KIAA1328: variants seen among roughly 807,000 people sequenced by gnomAD.
KIAA1328 encodes KIAA1328, also known as protein hinderin.
A neutral mutation model predicts 68.1 loss-of-function variants in KIAA1328; 52 were observed. That is an observed-to-expected ratio of 0.76 (90% CI 0.61 to 0.96). The LOEUF (loss-of-function observed/expected upper bound fraction) is 0.96. Ranked by LOEUF, KIAA1328 falls within the 40% of genes least tolerant of loss-of-function variation. KIAA1328 has a pLI of 0.00. For missense variants in KIAA1328, 641 were observed against 677.6 expected, an observed-to-expected ratio of 0.95 and a Z score of 0.60; for synonymous variants, 232 against 239.4, an observed-to-expected ratio of 0.97 and a Z score of 0.28.
chr18:36,927,941 C>T (rs2050179989), intron 5 of KIAA1328, among the ~76,000 whole-genome samples: 1 of 151,884 alleles, frequency 6.6e-6, no homozygotes, highest in South Asian at 2.1e-4. Context: ...GATGGGAGTG[C>T]CCTCGTAAGA....
chr18:36,965,934 A>T (rs1461626630), intron 6 of KIAA1328, among the ~76,000 whole-genome samples: 1 of 152,018 alleles, frequency 6.6e-6, no homozygotes, highest in African/African-American at 2.4e-5. Flanking sequence ...AAACCAAAAA[A>T]CTAAAGAAGG....
At chr18:36,912,792 G>A (rs1163740952) in intron 5 of KIAA1328, among the ~76,000 whole-genome samples, 1 of 152,180 alleles carries the variant, frequency 6.6e-6, no homozygotes, top group Non-Finnish European at 1.5e-5. Flanking sequence ...ATGGGTGAGA[G>A]TCTGAGAATG....
intron 6 of KIAA1328, among the ~76,000 whole-genome samples, chr18:37,008,513 C>G (rs1432483823): frequency 4.0e-5 from 6 of 151,740 alleles, no homozygotes; most frequent in Admixed American, 3.9e-4. Flanking sequence ...GTGCTACCTA[C>G]AAAAAAAACC....
At chr18:37,177,826 T>C (rs909119166) in intron 9 of KIAA1328, among the ~76,000 whole-genome samples, 1 of 152,062 alleles carries the variant, frequency 6.6e-6, no homozygotes, top group Non-Finnish European at 1.5e-5. Flanking sequence ...TAAAAAATAG[T>C]TTATTTTTAT....
Position 36,933,278 on chromosome 18 carries a change from C to A in KIAA1328, c.449-26030C>A, listed in dbSNP as rs115793874. ...TGGCTTTTGTATTTCCATGTGTTTGCAGCCCTGCTCTGTGGTGGTGGTGGT... is the reference window on the plus strand; with the variant it reads ...TGGCTTTTGTATTTCCATGTGTTTGAAGCCCTGCTCTGTGGTGGTGGTGGT... On this transcript the variant is annotated intron_variant, in intron 5 of 9. Transcript: ENST00000280020. Among the ~76,000 whole-genome samples the A allele has an allele frequency of 6.7e-3, 1,018 of 152,184 alleles. 15 individuals carry two copies. The highest frequency in any genetic ancestry group is 0.023 in the African/African-American group (943 of 41,526).
chr18:36,869,765 G>C (rs931283107), intron 4 of KIAA1328, among the ~76,000 whole-genome samples: 1 of 152,174 alleles, frequency 6.6e-6, no homozygotes, highest in Non-Finnish European at 1.5e-5. Flanking sequence ...TATATATATG[G>C]CAATTATTTA....
At chr18:36,870,660 T>A (rs1479102633) in intron 4 of KIAA1328, among the ~76,000 whole-genome samples, 1 of 152,198 alleles carries the variant, frequency 6.6e-6, no homozygotes, top group Non-Finnish European at 1.5e-5. Context: ...ATTACAGAAG[T>A]ACAGTGATCA....
Position 37,122,836 on chromosome 18 carries a change from G to C in KIAA1328, c.1233-37364G>C, listed in dbSNP as rs376851865. 3.6e-4 allele frequency among the ~76,000 whole-genome samples: 54 copies of C among 152,104 alleles called. 2 individuals carry two copies. Among genetic ancestry groups the C allele is most frequent in the East Asian group, 2.3e-3 (12 of 5,204 alleles). ...TCTGTGAAGAGCTTGAGAAGTGAAGGAAAGAGTGATGACCAGGAAGACACA... is the reference window on the plus strand; with the variant it reads ...TCTGTGAAGAGCTTGAGAAGTGAAGCAAAGAGTGATGACCAGGAAGACACA... On this transcript the variant is annotated intron_variant, in intron 7 of 9. Transcript: ENST00000280020.
chr18:37,074,171 T>C (rs1019286192), intron 7 of KIAA1328, among the ~76,000 whole-genome samples: 1 of 152,190 alleles, frequency 6.6e-6, no homozygotes, highest in African/African-American at 2.4e-5. Context: ...ACTGCTCCTT[T>C]CCTGATCCTT....
In KIAA1328 at chr18:36,926,735, G is replaced by A. The variant is rs1489170840; in HGVS notation, c.449-32573G>A. ...TTTCATTTTACTAATTTATTTTTAA[G>A]CTACTGTGCAATACAGGGTGGGTGT... On this transcript the variant is annotated intron_variant, in intron 5 of 9. Coordinates refer to ENST00000280020, the MANE Select transcript of KIAA1328 (RefSeq NM_020776.3). Among the ~76,000 whole-genome samples, 3 of 152,086 alleles carry A rather than the reference G, an allele frequency of 2.0e-5. No individual in the cohort carries two copies. The East Asian group carries it at 5.8e-4, about 29-fold the overall frequency.
intron 5 of KIAA1328, among the ~76,000 whole-genome samples, chr18:36,936,730 A>G (rs995415268): frequency 7.9e-5 from 12 of 152,330 alleles, no homozygotes; most frequent in Middle Eastern, 3.4e-3. Context: ...CATCCCTACC[A>G]ACAGCATATA....
intron 9 of KIAA1328, among the ~76,000 whole-genome samples, chr18:37,188,559 A>G (rs901502796): frequency 1.3e-5 from 2 of 152,196 alleles, no homozygotes; most frequent in African/African-American, 4.8e-5. Context: ...AATTGCTGTG[A>G]TGCTCCTAGA....
chr18:36,882,402 A>G (rs932398410), intron 4 of KIAA1328, among the ~76,000 whole-genome samples: 4 of 152,220 alleles, frequency 2.6e-5, no homozygotes, highest in Non-Finnish European at 5.9e-5. Context: ...AGATTTCATA[A>G]TGAATATCAA....
At chr18:36,927,005 A>G (rs969789394) in intron 5 of KIAA1328, among the ~76,000 whole-genome samples, 3 of 152,176 alleles carry the variant, frequency 2.0e-5, no homozygotes, top group Non-Finnish European at 2.9e-5. Context: ...TTAAACAACA[A>G]GATCTCTGCA....
rs1568551978 is a variant in KIAA1328 at position 37,222,075 on chromosome 18, C to T, written c.1582C>T (p.Pro528Ser). The change falls in exon 10 of 10, where the codon CCT becomes TCT. Residue 528 changes from proline to serine, a missense_variant. Transcript: ENST00000280020. Reference sequence around the variant, plus strand: ...TCTGAGCCCAAACTCTGCGCCCAAACCTCAGCGCTATCCCTCCAGAGAAGC... The same window carrying T: ...TCTGAGCCCAAACTCTGCGCCCAAATCTCAGCGCTATCCCTCCAGAGAAGC... ...QSLSPNSAPK[P>S]QRYPSREAGA... 1 of 1,613,732 alleles carries T rather than the reference C, an allele frequency of 6.2e-7. No individual in the cohort carries two copies. The highest frequency in any genetic ancestry group is 8.5e-7 in the Non-Finnish European group (1 of 1,179,790).
At chr18:37,203,903 G>T (rs535464486) in intron 9 of KIAA1328, among the ~76,000 whole-genome samples, 1 of 151,712 alleles carries the variant, frequency 6.6e-6, no homozygotes, top group South Asian at 2.1e-4. Context: ...TCCGCCTCCC[G>T]GGTTCATGCC....
chr18:37,213,215 T>C (rs1188437932), intron 9 of KIAA1328, among the ~76,000 whole-genome samples: 1 of 152,222 alleles, frequency 6.6e-6, no homozygotes, highest in Non-Finnish European at 1.5e-5. Context: ...TTGTGACATA[T>C]GTATACATGT....
At chr18:37,042,250 G>A (rs568042720) in intron 6 of KIAA1328, among the ~76,000 whole-genome samples, 7 of 151,878 alleles carry the variant, frequency 4.6e-5, no homozygotes, top group East Asian at 3.9e-4. Flanking sequence ...ATTATTTTAC[G>A]TAATTGTCTT....
intron 9 of KIAA1328, among the ~76,000 whole-genome samples, chr18:37,173,838 A>G (rs141527291): frequency 4.1e-4 from 62 of 152,302 alleles, no homozygotes; most frequent in African/African-American, 1.3e-3. Context: ...GTTTGAGGTA[A>G]TTTCAAAGGG....
Sources: gnomAD v4.1 joint callset for allele counts (sites outside exome capture counted in the v4.1 genomes callset) on GRCh38, gnomAD v4.1.1 for gene constraint, MANE v1.5 for transcripts, NCBI Gene and HGNC (gene_info 2026-07-23, HGNC 2026-07-21) for gene names.